UMAD1: variants seen among roughly 807,000 people sequenced by gnomAD.
UMAD1 encodes the protein UBAP1-MVB12-associated (UMA)-domain containing protein 1.
Under a neutral mutation model 6.1 loss-of-function variants are expected in UMAD1, and 8 were observed. The ratio of observed to expected loss-of-function variants is 1.30; its 90% CI spans 0.76 to 2.35. UMAD1 has a LOEUF of 2.35. Among genes scored for constraint, UMAD1 ranks in the 30% most tolerant of loss-of-function variants. The pLI is 0.00. For missense variants in UMAD1, 130 were observed against 78.4 expected (o/e 1.66, Z -2.49); for synonymous variants, 56 against 31.4 (o/e 1.78, Z -2.61).
chr7:7,787,137 T>C (rs2115259783), intron 2 of UMAD1, among the ~76,000 whole-genome samples: 1 of 152,304 alleles, frequency 6.6e-6, no homozygotes, highest in Non-Finnish European at 1.5e-5. Context: ...ATGATATAAA[T>C]ATATGATGGG....
rs1396328515 is a variant in UMAD1 at position 7,742,018 on chromosome 7, A to G, written c.83-59652A>G. On this transcript the variant is annotated intron_variant, in intron 2 of 3. Transcript: ENST00000682710. ...TTTCATAAATACTATTTTTAAATGA[A>G]TACTGATGTGAGACAGTTCCATTGT... 1.3e-5 allele frequency: 5 copies of G among 377,732 alleles called. No homozygotes were observed. The East Asian group carries it at 2.6e-4, about 19-fold the overall frequency. 23.4% of individuals were successfully genotyped at this position (377,732 alleles called of 1,614,324 possible). A position where few individuals can be genotyped will look rare whatever the true frequency, so the allele number is the denominator to read the frequency against.
In UMAD1 at chr7:7,794,161, A is replaced by C. The variant is rs1448454184; in HGVS notation, c.83-7509A>C. Reference sequence around the variant, plus strand: ...TAAATCATCTTTAATTAAAGAAAAGAAAAAGAAAAACAGTTTTCTGTATTC... The same window carrying C: ...TAAATCATCTTTAATTAAAGAAAAGCAAAAGAAAAACAGTTTTCTGTATTC... On this transcript the variant is annotated intron_variant, in intron 2 of 3. Transcript: ENST00000682710. 2.0e-5 allele frequency among the ~76,000 whole-genome samples: 3 copies of C among 152,224 alleles called. No homozygotes were observed. In the East Asian group the frequency reaches 5.8e-4, roughly 29 times the overall value.
chr7:7,819,196 A>G (rs752597469), intron 3 of UMAD1, among the ~76,000 whole-genome samples: 1 of 152,170 alleles, frequency 6.6e-6, no homozygotes, highest in Non-Finnish European at 1.5e-5. Context: ...AAATTTGTGT[A>G]TGATTTTTAG....
rs76609100 is a variant in UMAD1 at position 7,724,163 on chromosome 7, A to C, written c.82+50710A>C. On this transcript the variant is annotated intron_variant, in intron 2 of 3. Coordinates refer to ENST00000682710, the MANE Select transcript of UMAD1 (RefSeq NM_001302348.2). ...CCAGCCTTTTATCAGGGTAACTGAT[A>C]ATGTCATTTCAGATAGTCCCTGAAA... 2.0e-5 allele frequency among the ~76,000 whole-genome samples: 3 copies of C among 152,236 alleles called. No homozygotes were observed. The East Asian group carries it at 5.8e-4, about 29-fold the overall frequency.
chr7:7,775,874 G>A (rs549726855), intron 2 of UMAD1, among the ~76,000 whole-genome samples: 6 of 152,176 alleles, frequency 3.9e-5, no homozygotes, highest in African/African-American at 7.2e-5. Context: ...TGAACCTATA[G>A]TAATGGATAG....
intron 1 of UMAD1, among the ~76,000 whole-genome samples, chr7:7,668,626 C>A (rs1301524939): frequency 6.6e-6 from 1 of 152,112 alleles, no homozygotes; most frequent in African/African-American, 2.4e-5. Context: ...TTACCATAGG[C>A]TAATTGATAT....
chr7:7,796,994 A>G (rs1305692241), intron 2 of UMAD1, among the ~76,000 whole-genome samples: 1 of 152,152 alleles, frequency 6.6e-6, no homozygotes, highest in Non-Finnish European at 1.5e-5. Flanking sequence ...TAGTCTGTTT[A>G]TGTTGCTATA....
intron 1 of UMAD1, among the ~76,000 whole-genome samples, chr7:7,645,448 C>T (rs1221513342): frequency 6.6e-6 from 1 of 152,144 alleles, no homozygotes; most frequent in African/African-American, 2.4e-5. Flanking sequence ...ATATCTAGTT[C>T]CATATTTATG....
chr7:7,759,178 T>G (rs1781838249), intron 2 of UMAD1, among the ~76,000 whole-genome samples: 1 of 152,182 alleles, frequency 6.6e-6, no homozygotes, highest in Admixed American at 6.5e-5. Flanking sequence ...CATGAGAAAC[T>G]TCCATTTGCA....
intron 2 of UMAD1, among the ~76,000 whole-genome samples, chr7:7,765,642 G>T (rs1303412766): frequency 1.3e-5 from 2 of 152,074 alleles, no homozygotes; most frequent in Non-Finnish European, 2.9e-5. Flanking sequence ...TATGAATGAG[G>T]TGTGGTCTTT....
rs542973211 is a variant in UMAD1, at chr7:7,813,229, G to GTTA, written c.156+11488_156+11489insATT. Among the ~76,000 whole-genome samples, 118 of 152,050 alleles carry GTTA rather than the reference G, an allele frequency of 7.8e-4. 5 individuals carry two copies. In the East Asian group the frequency reaches 0.022, roughly 28 times the overall value. ...AGGTTTCTTTGTTGTTGTTGTTGTT[G>GTTA]TTTTTAGATGGAGTCTCGCTCTGTC... On this transcript the variant is annotated intron_variant, in intron 3 of 3. Transcript: ENST00000682710.
chr7:7,659,937 A>C (rs62452512), intron 1 of UMAD1, among the ~76,000 whole-genome samples: 8,895 of 152,258 alleles, frequency 0.058, 338 homozygotes, highest in Middle Eastern at 0.13. Context: ...TTGGAGTCTA[A>C]GTCTCTTTGT....
intron 2 of UMAD1, among the ~76,000 whole-genome samples, chr7:7,729,732 G>A (rs4720751): frequency 0.29 from 44,817 of 152,032 alleles, 6,946 homozygotes; most frequent in African/African-American, 0.4. Context: ...GACTTTGTCA[G>A]TGGAGCCAGC....
chr7:7,662,516 G>A (rs1785501000), intron 1 of UMAD1, among the ~76,000 whole-genome samples: 1 of 152,194 alleles, frequency 6.6e-6, no homozygotes, highest in Non-Finnish European at 1.5e-5. Context: ...CCGGACCGGA[G>A]TGCACTGTTC....
intron 2 of UMAD1, among the ~76,000 whole-genome samples, chr7:7,691,018 A>G (rs919470856): frequency 1.3e-5 from 2 of 152,208 alleles, no homozygotes; most frequent in Non-Finnish European, 2.9e-5. Flanking sequence ...ACCTTGAAGC[A>G]TGTAGAGCTC....
chr7:7,682,103 G>T (rs1259586674), intron 2 of UMAD1, among the ~76,000 whole-genome samples: 1 of 152,056 alleles, frequency 6.6e-6, no homozygotes, highest in Non-Finnish European at 1.5e-5. Flanking sequence ...AAAGGAATTG[G>T]GTTACAGTAC....
At chr7:7,781,600 CT>C (rs1338213101) in intron 2 of UMAD1, among the ~76,000 whole-genome samples, 1 of 151,944 alleles carries the variant, frequency 6.6e-6, no homozygotes, top group South Asian at 2.1e-4. Flanking sequence ...AGTTTGATAG[CT>C]TTATTCTTAA....
intron 1 of UMAD1, among the ~76,000 whole-genome samples, chr7:7,648,486 G>A (rs1416224972): frequency 1.3e-5 from 2 of 152,098 alleles, no homozygotes; most frequent in Non-Finnish European, 2.9e-5. Context: ...TGTGGCTACT[G>A]ATGTATTATG....
At position 7,879,184 on chromosome 7, in the gene UMAD1, A is replaced by G. The variant is rs1563283154; in HGVS notation, c.*1646A>G. 1 of 152,216 alleles carries G rather than the reference A, an allele frequency of 6.6e-6. No homozygotes were observed. Among genetic ancestry groups the G allele is most frequent in the Admixed American group, 6.5e-5 (1 of 15,286 alleles). The allele number at this position is 152,216 out of a possible 1,614,324, so 9.4% of individuals were successfully genotyped here. On this transcript the variant is annotated 3_prime_UTR_variant, in exon 4 of 4. Transcript: ENST00000682710. ...AAATGTTATATTTAAATAAATGTGA[A>G]TTAAAATAAAATTTTTGATTATTTT...
Sources: gnomAD v4.1 joint callset for allele counts (sites outside exome capture counted in the v4.1 genomes callset) on GRCh38, gnomAD v4.1.1 for gene constraint, MANE v1.5 for transcripts, NCBI Gene and HGNC (gene_info 2026-07-23, HGNC 2026-07-21) for gene names.